MSMB: variants seen among roughly 807,000 people sequenced by gnomAD.
MSMB encodes beta-microseminoprotein.
MSMB carries 10 observed loss-of-function variants against 10.5 expected under a neutral mutation model. The observed-to-expected ratio is 0.95, with a 90% CI of 0.59 to 1.62. The LOEUF (loss-of-function observed/expected upper bound fraction) is 1.62. MSMB is among the 40% of genes most tolerant of loss of function. MSMB has a pLI of 0.00. For synonymous variants in MSMB, 43 were observed against 46.5 expected (o/e 0.93, Z 0.30); for missense variants, 126 against 137.4 (o/e 0.92, Z 0.42).
chr10:46,040,756 C>G (rs1467100864), intron 1 of MSMB, among the ~76,000 whole-genome samples: 1 of 151,918 alleles, frequency 6.6e-6, no homozygotes, highest in East Asian at 1.9e-4. Flanking sequence ...AGATCGAGAC[C>G]ATCCTGGCTA....
Position 46,036,858 on chromosome 10 carries a change from A to C in MSMB, c.215+2108T>G, listed in dbSNP as rs145833412. On this transcript the variant is annotated intron_variant, in intron 3 of 3. Transcript: ENST00000582163. ...AGGGAGCCACGCTCCTATGTGAGGG[A>C]GGGACCAGTCACCAGTCCTTCACCT... 6.2e-3 allele frequency among the ~76,000 whole-genome samples: 942 copies of C among 152,322 alleles called. 3 individuals are homozygous for C. The highest frequency in any genetic ancestry group is 0.01 in the Non-Finnish European group (683 of 68,028).
chr10:46,043,770 G>T (rs1840808261), intron 1 of MSMB, among the ~76,000 whole-genome samples: 1 of 152,148 alleles, frequency 6.6e-6, no homozygotes, highest in Non-Finnish European at 1.5e-5. Context: ...CGCCTCCCGG[G>T]TTCAAGTGAT....
At chr10:46,045,705 G>A (rs1429086014) in intron 1 of MSMB, among the ~76,000 whole-genome samples, 1 of 152,140 alleles carries the variant, frequency 6.6e-6, no homozygotes, top group Admixed American at 6.5e-5. Flanking sequence ...AAATCAGAGT[G>A]TCGGGGTGGA....
Position 46,033,546 on chromosome 10 carries a change from G to A in MSMB, c.221C>T (p.Ser74Phe). Residue 74 changes from serine (S) to phenylalanine (F), a missense_variant, in exon 4 of 4, where the codon TCT (serine) becomes TTT (phenylalanine). Transcript: ENST00000582163. Reference sequence around the variant, plus strand: ...GTCTTTGTCATAACCCACAGGTGTAGAAACACTGTCATTGAGACAAAACTG... The same window carrying A: ...GTCTTTGTCATAACCCACAGGTGTAAAAACACTGTCATTGAGACAAAACTG... ...ETEISCCTLVSTPVGYDKDNC... is the reference protein window; with the variant it reads ...ETEISCCTLVFTPVGYDKDNC... 6.2e-7 allele frequency: 1 copy of A among 1,613,496 alleles called. No homozygotes were observed. The highest frequency in any genetic ancestry group is 8.5e-7 in the Non-Finnish European group (1 of 1,179,460).
At chr10:46,039,945 G>T in intron 2 of MSMB, 41 bp downstream of exon 2, 1 of 1,456,232 alleles carries the variant, frequency 6.9e-7, no homozygotes, top group Non-Finnish European at 9.6e-7. Context: ...CCATCTACCA[G>T]GCTGCAATAA....
chr10:46,046,179 G>A (rs2132429103), intron 1 of MSMB, 56 bp downstream of exon 1: 2 of 1,549,690 alleles, frequency 1.3e-6, no homozygotes, highest in Non-Finnish European at 1.8e-6. Flanking sequence ...TATTAAAATA[G>A]GAATACATAT....
chr10:46,040,342 A>T (rs1272687749), intron 1 of MSMB, among the ~76,000 whole-genome samples: 1 of 152,168 alleles, frequency 6.6e-6, no homozygotes, highest in Non-Finnish European at 1.5e-5. Context: ...GGAACTTTTG[A>T]AAGGGAAGAT....
chr10:46,042,465 A>T (rs1840775420), intron 1 of MSMB, among the ~76,000 whole-genome samples: 1 of 152,234 alleles, frequency 6.6e-6, no homozygotes, highest in South Asian at 2.1e-4. Context: ...ATGCACAAGA[A>T]TGACTTACTT....
At position 46,040,004 on chromosome 10, in the gene MSMB, G is replaced by A. The variant is rs782439876; in HGVS notation, c.91C>T (p.Pro31Ser). The change falls in exon 2 of 4, where the codon CCA becomes TCA. Residue 31 changes from proline to serine, a missense_variant. By Grantham distance (74) the Pro-to-Ser change is moderately conservative (BLOSUM62 -1). Coordinates refer to ENST00000582163, the MANE Select transcript of MSMB (RefSeq NM_002443.4). The part of the protein sequence containing the change: ...SCYFIPNEGV[P>S]GDSTRKCMDL... The stretch of plus-strand genomic sequence containing the variant: ...GACTTACTCCTGGTTGAATCTCCTG[G>A]AACTCCCTCATTAGGTATGAAATAG... 6.2e-7 allele frequency: 1 copy of A among 1,613,618 alleles called. No homozygotes were observed. The highest frequency in any genetic ancestry group is 1.3e-5 in the African/African-American group (1 of 74,892).
intron 1 of MSMB, among the ~76,000 whole-genome samples, chr10:46,045,050 T>A (rs1554929255): frequency 6.6e-6 from 1 of 151,692 alleles, no homozygotes; most frequent in South Asian, 2.1e-4. Flanking sequence ...AGGCCCGGGG[T>A]CCCCTCCTGA....
intron 2 of MSMB, 90 bp downstream of exon 2, chr10:46,039,896 A>T: frequency 2.0e-6 from 2 of 1,001,390 alleles, no homozygotes; most frequent in Non-Finnish European, 3.0e-6. Flanking sequence ...CAAAGAAACA[A>T]ACAAACAGAA....
intron 3 of MSMB, among the ~76,000 whole-genome samples, chr10:46,038,292 ATT>A (rs782262580): frequency 1.4e-5 from 2 of 143,544 alleles, no homozygotes; most frequent in Admixed American, 7.0e-5. Context: ...TTTTACCGCA[ATT>A]TTTTTTTTTT....
chr10:46,038,884 A>G, intron 3 of MSMB, 82 bp downstream of exon 3: 4 of 1,205,326 alleles, frequency 3.3e-6, no homozygotes, highest in Non-Finnish European at 4.9e-6. Flanking sequence ...ACCCCTGAAG[A>G]TTGGAATTTT....
intron 3 of MSMB, among the ~76,000 whole-genome samples, chr10:46,034,824 CAAAAAAAAA>C (rs782032418): frequency 1.9e-5 from 2 of 107,438 alleles, no homozygotes; most frequent in African/African-American, 7.0e-5. Context: ...GATTCCATCT[CAAAAAAAAA>C]AAAAAGAAAA....
intron 2 of MSMB, 110 bp from the exon 3 acceptor site, chr10:46,039,181 G>T: frequency 1.1e-6 from 1 of 896,732 alleles, no homozygotes; most frequent in Non-Finnish European, 1.8e-6. Flanking sequence ...AGAGAGAGGA[G>T]CTCAATTATT....
At chr10:46,044,518 G>C (rs940140774) in intron 1 of MSMB, among the ~76,000 whole-genome samples, 1 of 141,488 alleles carries the variant, frequency 7.1e-6, no homozygotes, top group Non-Finnish European at 1.5e-5. Context: ...GGAGCTTGCA[G>C]TGAGCCGAGA....
chr10:46,040,582 T>C (rs998410029), intron 1 of MSMB, among the ~76,000 whole-genome samples: 2 of 152,242 alleles, frequency 1.3e-5, no homozygotes, highest in African/African-American at 2.4e-5. Context: ...CTTTAACTTA[T>C]AAGCAAAGTC....
chr10:46,043,370 A>G (rs1327162732), intron 1 of MSMB, among the ~76,000 whole-genome samples: 4 of 152,092 alleles, frequency 2.6e-5, no homozygotes, highest in African/African-American at 9.7e-5. Context: ...TCCACTTGAC[A>G]GTATCTCAGA....
intron 1 of MSMB, among the ~76,000 whole-genome samples, chr10:46,042,095 T>C (rs1454575913): frequency 1.3e-5 from 2 of 152,104 alleles, no homozygotes; most frequent in African/African-American, 4.8e-5. Flanking sequence ...CATAAAATAA[T>C]CACAGCATAT....
Sources: gnomAD v4.1 joint callset for allele counts (sites outside exome capture counted in the v4.1 genomes callset) on GRCh38, gnomAD v4.1.1 for gene constraint, MANE v1.5 for transcripts, NCBI Gene and HGNC (gene_info 2026-07-23, HGNC 2026-07-21) for gene names.